Variants in LPP observed in about 807,000 individuals in gnomAD.
LPP encodes LIM domain containing preferred translocation partner in lipoma, also known as lipoma-preferred partner.
LPP carries 38 observed loss-of-function variants against 60.4 expected under a neutral mutation model. The observed-to-expected ratio is 0.63, with a 90% CI of 0.49 to 0.83. LPP has a LOEUF of 0.83. LPP is among the 40% of genes least tolerant of loss of function. The pLI, the probability that LPP is intolerant of heterozygous loss-of-function variation, is 0.00. For missense variants in LPP, 902 were observed against 783.6 expected, an observed-to-expected ratio of 1.15 and a Z score of -1.80; for synonymous variants, 328 against 290.8, an observed-to-expected ratio of 1.13 and a Z score of -1.30.
At chr3:188,413,043 C>T (rs1315486975) in intron 4 of LPP, among the ~76,000 whole-genome samples, 2 of 152,054 alleles carry the variant, frequency 1.3e-5, no homozygotes, top group Admixed American at 6.6e-5. Context: ...CTGATGAGTC[C>T]TGGATTATTG....
At chr3:188,218,773 C>T (rs1473424818) in intron 1 of LPP, among the ~76,000 whole-genome samples, 2 of 152,192 alleles carry the variant, frequency 1.3e-5, no homozygotes, top group East Asian at 3.9e-4. Flanking sequence ...GAGATAAGTG[C>T]TATAATAGGG....
At chr3:188,716,085 T>C (rs1317382265) in intron 8 of LPP, among the ~76,000 whole-genome samples, 1 of 152,244 alleles carries the variant, frequency 6.6e-6, no homozygotes, top group Non-Finnish European at 1.5e-5. Flanking sequence ...AGGTAAATTA[T>C]CTTCTCAGAA....
chr3:188,433,188 T>C (rs1413953960), intron 4 of LPP, among the ~76,000 whole-genome samples: 1 of 152,178 alleles, frequency 6.6e-6, no homozygotes, highest in Admixed American at 6.5e-5. Flanking sequence ...TTTCACTGAA[T>C]GTATTTCAAC....
At chr3:188,634,707 T>C (rs1018650203) in intron 7 of LPP, among the ~76,000 whole-genome samples, 3 of 152,322 alleles carry the variant, frequency 2.0e-5, no homozygotes, top group Middle Eastern at 3.4e-3. Context: ...TGCCTGATGA[T>C]CTGTCACTGT....
At chr3:188,442,770 C>T (rs765401596) in intron 4 of LPP, among the ~76,000 whole-genome samples, 9 of 152,276 alleles carry the variant, frequency 5.9e-5, no homozygotes, top group Middle Eastern at 3.4e-3. Flanking sequence ...ACATTTTCAA[C>T]GTAAGCCCTT....
intron 2 of LPP, among the ~76,000 whole-genome samples, chr3:188,273,956 G>T (rs531133961): frequency 1.4e-3 from 214 of 152,224 alleles, no homozygotes; most frequent in African/African-American, 4.9e-3. Context: ...TCAATGTTTA[G>T]AGATATATAT....
intron 9 of LPP, among the ~76,000 whole-genome samples, chr3:188,766,029 C>T (rs925146104): frequency 6.6e-6 from 1 of 151,654 alleles, no homozygotes; most frequent in African/African-American, 2.4e-5. Context: ...CACCACCACG[C>T]CCGGCTAATT....
At chr3:188,568,554 T>C (rs2150799912) in intron 6 of LPP, 1 of 152,056 alleles carries the variant, frequency 6.6e-6, no homozygotes, top group East Asian at 1.9e-4. Context: ...CATTTGGTGC[T>C]ATAGACCAGT....
rs140929588 is a variant in LPP at position 188,393,688 on chromosome 3, C to T, written c.-9-12424C>T. Reference sequence around the variant, plus strand: ...GTTTGAAATGTGAATTAAAACGATTCGAAACCAGAGCTTAAGTCTTAGTAT... The same window carrying T: ...GTTTGAAATGTGAATTAAAACGATTTGAAACCAGAGCTTAAGTCTTAGTAT... On this transcript the variant is annotated intron_variant, in intron 3 of 11. Transcript: ENST00000617246. Among the ~76,000 whole-genome samples, 56 of 152,218 alleles carry T rather than the reference C, an allele frequency of 3.7e-4. No individual in the cohort carries two copies. The East Asian group carries it at 8.5e-3, about 23-fold the overall frequency.
intron 6 of LPP, among the ~76,000 whole-genome samples, chr3:188,604,550 G>A (rs186540754): frequency 1.3e-5 from 2 of 152,080 alleles, no homozygotes; most frequent in East Asian, 1.9e-4. Flanking sequence ...AGGTGGAGGG[G>A]CACTAATGAG....
intron 2 of LPP, among the ~76,000 whole-genome samples, chr3:188,340,110 G>C (rs1440541669): frequency 6.6e-6 from 1 of 152,176 alleles, no homozygotes; most frequent in Non-Finnish European, 1.5e-5. Flanking sequence ...TAGCAATTGG[G>C]AGGCTACGTC....
chr3:188,313,692 T>C (rs536713218), intron 2 of LPP, among the ~76,000 whole-genome samples: 1 of 152,062 alleles, frequency 6.6e-6, no homozygotes, highest in African/African-American at 2.4e-5. Flanking sequence ...GATATACTTA[T>C]GAGGTTTGCT....
intron 2 of LPP, among the ~76,000 whole-genome samples, chr3:188,262,734 A>G (rs939108384): frequency 2.0e-5 from 3 of 150,092 alleles, no homozygotes; most frequent in Non-Finnish European, 4.4e-5. Context: ...TCTCTGTCTC[A>G]CACACACACA....
At chr3:188,154,899 G>A (rs529227666) in intron 1 of LPP, among the ~76,000 whole-genome samples, 1 of 152,158 alleles carries the variant, frequency 6.6e-6, no homozygotes, top group Non-Finnish European at 1.5e-5. Flanking sequence ...TTCCAGGGAG[G>A]GGGTTTGATT....
chr3:188,175,520 CAG>C (rs1383815420), intron 1 of LPP, among the ~76,000 whole-genome samples: 17 of 152,260 alleles, frequency 1.1e-4, no homozygotes, highest in Admixed American at 7.8e-4. Context: ...ATAGTTAACA[CAG>C]AGAAAATAGT....
At chr3:188,365,424 T>A (rs544957247) in intron 3 of LPP, among the ~76,000 whole-genome samples, 26 of 152,352 alleles carry the variant, frequency 1.7e-4, no homozygotes, top group African/African-American at 6.0e-4. Flanking sequence ...CAAGCTGATT[T>A]TAAGTTTACC....
intron 7 of LPP, among the ~76,000 whole-genome samples, chr3:188,658,056 C>T (rs898665821): frequency 5.3e-5 from 8 of 149,572 alleles, no homozygotes; most frequent in Non-Finnish European, 7.4e-5. Context: ...GTGACAGTGA[C>T]AACGAATGAG....
At chr3:188,817,909 A>G (rs750195449) in intron 9 of LPP, among the ~76,000 whole-genome samples, 1 of 152,184 alleles carries the variant, frequency 6.6e-6, no homozygotes, top group African/African-American at 2.4e-5. Flanking sequence ...CTTCCACACG[A>G]TTATTATCTT....
chr3:188,261,155 T>C (rs1733486070), intron 2 of LPP, among the ~76,000 whole-genome samples: 1 of 152,104 alleles, frequency 6.6e-6, no homozygotes, highest in Non-Finnish European at 1.5e-5. Context: ...TCTTACTAGA[T>C]TGTTTGTTTT....
Sources: allele counts gnomAD v4.1 joint callset (sites outside exome capture counted in the v4.1 genomes callset), GRCh38; gene constraint gnomAD v4.1.1; transcripts MANE v1.5; gene names NCBI Gene and HGNC (gene_info 2026-07-23, HGNC 2026-07-21).